EMX1: variants seen among roughly 807,000 people sequenced by gnomAD.
EMX1 encodes the protein homeobox protein EMX1.
In EMX1, 10 loss-of-function variants were observed where a neutral mutation model predicts 20.1. The ratio of observed to expected loss-of-function variants is 0.50; its 90% CI spans 0.31 to 0.84. EMX1 has a LOEUF of 0.84. EMX1 is among the 40% of genes least tolerant of loss of function. EMX1 has a pLI of 0.05. For missense variants in EMX1, 424 were observed against 431.9 expected, an observed-to-expected ratio of 0.98 and a Z score of 0.16; for synonymous variants, 250 against 200.4, an observed-to-expected ratio of 1.25 and a Z score of -2.09.
rs1419286121 is a variant in EMX1, at chr2:72,918,388, G to C, written c.520+16G>C. ...CGCTTCCAGGGTGAGTGTCCACGCT[G>C]TGCCCGCCGAGGCGGCCGGCCGGCG... On this transcript the variant is annotated intron_variant, in intron 1 of 2. Transcript: ENST00000258106. 2.9e-6 allele frequency: 4 copies of C among 1,370,628 alleles called. 1 individual carries two copies. The highest frequency in any genetic ancestry group is 3.4e-5 in the South Asian group (2 of 58,924). The allele number at this position is 1,370,628 out of a possible 1,614,324, so 84.9% of individuals were successfully genotyped here.
chr2:72,933,584 C>A, intron 2 of EMX1: 1 of 610,774 alleles, frequency 1.6e-6, no homozygotes, highest in Non-Finnish European at 2.8e-6. Context: ...CCACTGTGTC[C>A]TCTTCCTGCC....
chr2:72,925,187 C>T (rs890870642), intron 2 of EMX1, among the ~76,000 whole-genome samples: 2 of 152,202 alleles, frequency 1.3e-5, no homozygotes, highest in East Asian at 3.8e-4. Context: ...ACCCCGGGTA[C>T]TCAGGTGCTT....
At chr2:72,928,711 T>TA (rs1244083960) in intron 2 of EMX1, among the ~76,000 whole-genome samples, 2 of 152,238 alleles carry the variant, frequency 1.3e-5, no homozygotes, top group Admixed American at 6.5e-5. Context: ...GATTTCTTAC[T>TA]GAGTGATGAA....
chr2:72,918,889 T>G (rs1671048293), intron 1 of EMX1, among the ~76,000 whole-genome samples: 1 of 152,208 alleles, frequency 6.6e-6, no homozygotes, highest in African/African-American at 2.4e-5. Flanking sequence ...GGAGAGTTAA[T>G]GTTCAGTGTG....
At chr2:72,927,293 G>A (rs973210608) in intron 2 of EMX1, among the ~76,000 whole-genome samples, 2 of 152,192 alleles carry the variant, frequency 1.3e-5, no homozygotes, top group East Asian at 3.8e-4. Context: ...ATATTCATAT[G>A]TCTGGTAATG....
chr2:72,916,965 G>A, upstream of EMX1: 1 of 716,550 alleles, frequency 1.4e-6, no homozygotes, highest in Non-Finnish European at 2.6e-6. Context: ...AAGGGAGTGA[G>A]CGTCCCCTTT....
Position 72,918,215 on chromosome 2 carries a change from G to A in EMX1, c.363G>A (p.Glu121=), listed in dbSNP as rs1365749248. 6 of 1,571,698 alleles carry A rather than the reference G, an allele frequency of 3.8e-6. No homozygotes were observed. In the African/African-American group the frequency reaches 7.0e-5, roughly 18 times the overall value. Residue 121 remains glutamate, a synonymous_variant, in exon 1 of 3, where the codon GAG becomes GAA. Transcript: ENST00000258106. ...GTGGGCCCGAGCTCGTGTTCCCCGA[G>A]GCCATGAACCACCCCGCGCTGACCG... ...LYGGPELVFP[E]AMNHPALTVH...
At position 72,933,980 on chromosome 2, in the gene EMX1, G is replaced by A. The variant is rs1671326028; in HGVS notation, c.*26G>A. The A allele has an allele frequency of 6.2e-7, 1 of 1,613,608 alleles. No homozygotes were observed. Among genetic ancestry groups the A allele is most frequent in the Non-Finnish European group, 8.5e-7 (1 of 1,179,774 alleles). On this transcript the variant is annotated 3_prime_UTR_variant, in exon 3 of 3. Transcript: ENST00000258106. The stretch of plus-strand genomic sequence containing the variant: ...GGTGGGCAACCACAAACCCACGAGG[G>A]CAGAGTGCTGCTTGCTGCTGGCCAG...
chr2:72,923,680 G>A (rs1466706975), intron 1 of EMX1: 3 of 158,304 alleles, frequency 1.9e-5, no homozygotes, highest in Admixed American at 1.8e-4. Context: ...TTTTTAATGA[G>A]TTAGTAGCCT....
intron 1 of EMX1, among the ~76,000 whole-genome samples, chr2:72,918,951 C>G (rs1008430099): frequency 3.9e-5 from 6 of 152,334 alleles, no homozygotes; most frequent in Admixed American, 1.3e-4. Flanking sequence ...CCGACTTCTC[C>G]AAGTCACACG....
In EMX1 at chr2:72,917,682, G is replaced by A; in HGVS notation, c.-171G>A. The A allele has an allele frequency of 9.1e-6, 4 of 440,216 alleles. No individual in the cohort carries two copies. The highest frequency in any genetic ancestry group is 1.0e-5 in the Non-Finnish European group (3 of 297,976). The allele number at this position is 440,216 out of a possible 1,614,324, so 27.3% of individuals were successfully genotyped here. A position where few individuals can be genotyped will look rare whatever the true frequency, so the allele number is the denominator to read the frequency against. On this transcript the variant is annotated 5_prime_UTR_variant, in exon 1 of 3. Transcript: ENST00000258106. Reference sequence around the variant, plus strand: ...TAGCACGGAGCCCGCGCCTGTGCGGGCGCCTGGAGCTGCCCGCTCCGCCGC... The same window carrying A: ...TAGCACGGAGCCCGCGCCTGTGCGGACGCCTGGAGCTGCCCGCTCCGCCGC...
At chr2:72,916,414 G>A (rs1670962529), upstream of EMX1, 1 of 514,728 alleles carries the variant, frequency 1.9e-6, no homozygotes, top group South Asian at 2.3e-5. Flanking sequence ...GCGCCGGCAA[G>A]GTCCAGGTCC....
At chr2:72,917,132 C>A, upstream of EMX1, 4 of 613,300 alleles carry the variant, frequency 6.5e-6, no homozygotes, top group South Asian at 5.9e-5. Flanking sequence ...ATGTGTTGGA[C>A]CCCAAACATC....
chr2:72,932,296 C>T (rs995250375), intron 2 of EMX1, among the ~76,000 whole-genome samples: 5 of 152,254 alleles, frequency 3.3e-5, no homozygotes, highest in Admixed American at 2.0e-4. Context: ...TGTAGCCTGC[C>T]CTCTGCACCT....
At chr2:72,918,519 G>C (rs1462141824) in intron 1 of EMX1, 147 bp downstream of exon 1, 2 of 1,181,690 alleles carry the variant, frequency 1.7e-6, no homozygotes, top group Non-Finnish European at 2.2e-6. Context: ...AGGCAGGGAA[G>C]AGCTGTGCGG....
intron 2 of EMX1, chr2:72,925,888 C>G (rs1573898537): frequency 1.0e-6 from 1 of 985,434 alleles, no homozygotes; most frequent in Non-Finnish European, 1.2e-6. Flanking sequence ...TTCAGATGTA[C>G]TAGCTGGGCT....
At chr2:72,920,699 G>C (rs1019565538) in intron 1 of EMX1, among the ~76,000 whole-genome samples, 1 of 152,246 alleles carries the variant, frequency 6.6e-6, no homozygotes, top group Non-Finnish European at 1.5e-5. Context: ...GTCCCGGCGC[G>C]CGGGGAAGCG....
At chr2:72,916,671 G>C, upstream of EMX1, 1 of 715,398 alleles carries the variant, frequency 1.4e-6, no homozygotes, top group Non-Finnish European at 2.6e-6. Flanking sequence ...GACGGCTGGC[G>C]TGTTCTCTTG....
intron 2 of EMX1, chr2:72,926,249 A>G: frequency 1.0e-6 from 1 of 985,430 alleles, no homozygotes; most frequent in Non-Finnish European, 1.2e-6. Flanking sequence ...TTCAAACTGA[A>G]CCTAGCTGCC....
Sources: gnomAD v4.1 joint callset for allele counts (sites outside exome capture counted in the v4.1 genomes callset) on GRCh38, gnomAD v4.1.1 for gene constraint, MANE v1.5 for transcripts, NCBI Gene and HGNC (gene_info 2026-07-23, HGNC 2026-07-21) for gene names.